Variants in RTL4 observed in about 807,000 individuals in gnomAD.
The protein encoded by RTL4 is retrotransposon Gag-like protein 4.
A neutral mutation model predicts 5.3 loss-of-function variants in RTL4; 4 were observed. The observed-to-expected ratio is 0.75, with a 90% confidence interval of 0.37 to 1.72. The LOEUF is 1.72. Ranked by LOEUF, RTL4 falls within the 40% of genes most tolerant of loss-of-function variation. The pLI is 0.04. For synonymous variants in RTL4, 98 were observed against 87.3 expected, an observed-to-expected ratio of 1.12 and a Z score of -0.68; for missense variants, 260 against 227.1, an observed-to-expected ratio of 1.14 and a Z score of -0.93.
At chrX:112,388,164 A>T in the RTL4 span, among the ~76,000 whole-genome samples, 3 of 111,694 alleles carry the variant, frequency 2.7e-5, no homozygotes, top group South Asian at 1.1e-3. Flanking sequence ...TACATATTTT[A>T]TTTTTGTGGC....
chrX:112,421,645 C>G, the RTL4 span, among the ~76,000 whole-genome samples: 1 of 112,077 alleles, frequency 8.9e-6, no homozygotes, highest in African/African-American at 3.2e-5. Flanking sequence ...AGCAACCTAA[C>G]TAGCCTCCAC....
chrX:112,145,569 A>G, the RTL4 span, among the ~76,000 whole-genome samples: 6 of 112,191 alleles, frequency 5.3e-5, no homozygotes, highest in Non-Finnish European at 9.4e-5. Context: ...GTAGTGGACT[A>G]GGTAAAGTTT....
the RTL4 span, among the ~76,000 whole-genome samples, chrX:112,146,615 A>G: frequency 1.8e-5 from 2 of 110,220 alleles, no homozygotes; most frequent in Admixed American, 2.0e-4. Flanking sequence ...GAAGCAGGGA[A>G]ATGAGGAGGA....
chrX:112,447,832 G>A, the RTL4 span, among the ~76,000 whole-genome samples: 1 of 111,913 alleles, frequency 8.9e-6, no homozygotes, highest in African/African-American at 3.2e-5. Context: ...GGAGAGAAAG[G>A]CTAAGAGTTT....
At chrX:112,159,120 T>C in the RTL4 span, among the ~76,000 whole-genome samples, 1 of 112,669 alleles carries the variant, frequency 8.9e-6, no homozygotes, top group South Asian at 3.6e-4. Flanking sequence ...TATTTCTTTT[T>C]CTATGAATTT....
the RTL4 span, among the ~76,000 whole-genome samples, chrX:112,185,838 AC>A: frequency 1.8e-5 from 2 of 110,889 alleles, no homozygotes; most frequent in Admixed American, 2.0e-4. Flanking sequence ...AAGCAGAACC[AC>A]TATAGTTTAT....
chrX:112,149,294 A>C, the RTL4 span, among the ~76,000 whole-genome samples: 2 of 111,752 alleles, frequency 1.8e-5, no homozygotes, highest in South Asian at 7.5e-4. Context: ...AATAAAAATG[A>C]TAAGTAAAAT....
chrX:112,382,738 C>T, the RTL4 span, among the ~76,000 whole-genome samples: 5 of 111,632 alleles, frequency 4.5e-5, no homozygotes, highest in Admixed American at 9.5e-5. Flanking sequence ...TGCCAGTGAC[C>T]AGGTAGCTCC....
chrX:112,412,493 G>A, the RTL4 span, among the ~76,000 whole-genome samples: 1 of 111,376 alleles, frequency 9.0e-6, no homozygotes. Context: ...CATGGTACCA[G>A]CATAACAACA....
chrX:112,109,525 G>A, the RTL4 span, among the ~76,000 whole-genome samples: 1 of 111,645 alleles, frequency 9.0e-6, no homozygotes, highest in Non-Finnish European at 1.9e-5. Flanking sequence ...CCATTTTACA[G>A]AGTGCTGATT....
the RTL4 span, among the ~76,000 whole-genome samples, chrX:112,178,947 G>C: frequency 8.9e-6 from 1 of 112,137 alleles, no homozygotes; most frequent in Non-Finnish European, 1.9e-5. Flanking sequence ...TGGTCTAACA[G>C]ACATAACTAA....
At chrX:112,187,478 A>G in the RTL4 span, among the ~76,000 whole-genome samples, 4 of 111,634 alleles carry the variant, frequency 3.6e-5, no homozygotes, top group Non-Finnish European at 5.6e-5. Context: ...ACAGAACCCA[A>G]CATTCTGTGG....
the RTL4 span, among the ~76,000 whole-genome samples, chrX:112,426,479 C>T: frequency 2.7e-5 from 3 of 111,389 alleles, no homozygotes; most frequent in South Asian, 7.4e-4. Flanking sequence ...ACTGACATCT[C>T]GAACATATTG....
the RTL4 span, among the ~76,000 whole-genome samples, chrX:112,322,353 AT>A: frequency 0.32 from 32,649 of 101,374 alleles, 5,244 homozygotes; most frequent in African/African-American, 0.59. Flanking sequence ...GGCGCTTTTC[AT>A]TTTTTTTTTT....
the RTL4 span, chrX:112,381,755 C>G: frequency 7.5e-6 from 9 of 1,199,849 alleles, no homozygotes; most frequent in African/African-American, 8.7e-5. Context: ...GAAAGAAATA[C>G]AGACATTACA....
chrX:112,452,250 G>A (rs371301168), upstream of RTL4, among the ~76,000 whole-genome samples: 632 of 95,027 alleles, frequency 6.7e-3, 2 homozygotes, highest in Middle Eastern at 0.016. Context: ...GCCACCACGC[G>A]CAGCTAATTT....
chrX:112,403,923 T>C, the RTL4 span, among the ~76,000 whole-genome samples: 2 of 112,407 alleles, frequency 1.8e-5, no homozygotes, highest in African/African-American at 6.5e-5. Context: ...AATCAAGAGA[T>C]CACACATAAA....
chrX:112,287,931 G>C, the RTL4 span, among the ~76,000 whole-genome samples: 21 of 111,950 alleles, frequency 1.9e-4, no homozygotes, highest in African/African-American at 3.9e-4. Context: ...AAGCTTTAGA[G>C]AGTCAGTCAT....
At chrX:112,432,321 G>T in the RTL4 span, among the ~76,000 whole-genome samples, 4 of 90,798 alleles carry the variant, frequency 4.4e-5, no homozygotes, top group Admixed American at 3.5e-4. Flanking sequence ...CTTCCACAAT[G>T]GTCGAACTAG....
Sources: allele counts gnomAD v4.1 joint callset (sites outside exome capture counted in the v4.1 genomes callset), GRCh38; gene constraint gnomAD v4.1.1; transcripts MANE v1.5; gene names NCBI Gene and HGNC (gene_info 2026-07-23, HGNC 2026-07-21).